Variants in SLC15A5 observed in about 807,000 individuals in gnomAD.
SLC15A5 encodes the protein solute carrier family 15 member 5, also known as Peptide/histidine transporter ENSP00000340402.
Under a neutral mutation model 56.1 loss-of-function variants are expected in SLC15A5, and 58 were observed. The observed-to-expected ratio is 1.03, with a 90% CI of 0.84 to 1.29. The LOEUF (loss-of-function observed/expected upper bound fraction) is 1.29. Among genes scored for constraint, SLC15A5 ranks in the 50% most tolerant of loss-of-function variants. SLC15A5 has a pLI of 0.00. For missense variants in SLC15A5, 681 were observed against 672.1 expected (o/e 1.01, Z -0.15); for synonymous variants, 264 against 250.5 (o/e 1.05, Z -0.51).
In SLC15A5 at chr12:16,268,329, A is replaced by G. The variant is rs1371048456; in HGVS notation, c.584+4232T>C. 1.0e-4 allele frequency among the ~76,000 whole-genome samples: 5 copies of G among 47,806 alleles called. 2 individuals are homozygous for G. The highest frequency in any genetic ancestry group is 4.3e-4 in the African/African-American group (5 of 11,552). 31.4% of individuals were successfully genotyped at this position (47,806 alleles called of 152,430 possible). A position where few individuals can be genotyped will look rare whatever the true frequency, so the allele number is the denominator to read the frequency against. On this transcript the variant is annotated intron_variant, in intron 2 of 8. Coordinates refer to ENST00000344941, the MANE Select transcript of SLC15A5 (RefSeq NM_001170798.1). ...GAGACGGAGGTTGCAGTGAGCTCAG[A>G]TCGCAAAGGTAAAGAAGGAAGTGCT...
chr12:16,191,083 A>G (rs986041916), intron 8 of SLC15A5, among the ~76,000 whole-genome samples: 3 of 152,118 alleles, frequency 2.0e-5, no homozygotes, highest in Non-Finnish European at 2.9e-5. Flanking sequence ...CCTAAACTGG[A>G]AAGCCTCGAG....
chr12:16,211,660 G>C (rs183472150), intron 7 of SLC15A5, among the ~76,000 whole-genome samples: 1 of 152,286 alleles, frequency 6.6e-6, no homozygotes, highest in East Asian at 1.9e-4. Flanking sequence ...ATGGGATAGA[G>C]TCGAAATAAG....
chr12:16,255,866 C>T (rs1459207535), intron 3 of SLC15A5, among the ~76,000 whole-genome samples: 1 of 151,990 alleles, frequency 6.6e-6, no homozygotes. Flanking sequence ...TATATGCCTA[C>T]ATGCACCCAC....
At chr12:16,209,591 C>T (rs562801213) in intron 7 of SLC15A5, among the ~76,000 whole-genome samples, 11 of 152,094 alleles carry the variant, frequency 7.2e-5, no homozygotes, top group Non-Finnish European at 1.6e-4. Context: ...CTTTTAAAGT[C>T]TATTCTTCTT....
At chr12:16,218,311 C>T (rs763547982) in intron 6 of SLC15A5, among the ~76,000 whole-genome samples, 19 of 152,168 alleles carry the variant, frequency 1.2e-4, no homozygotes, top group Non-Finnish European at 2.4e-4. Context: ...ATTCCTCTTA[C>T]TCTTTTGTGC....
Position 16,257,876 on chromosome 12 carries a change from G to GTA in SLC15A5, c.585-8_585-7dup, listed in dbSNP as rs1182323300. ...GGTTCATGAGCCAATAAAACCTGGG[G>GTA]TATACAGACAGACAAAAATAAAAAT... On this transcript the variant is annotated splice_polypyrimidine_tract_variant and splice_region_variant and intron_variant, in intron 2 of 8. Coordinates refer to ENST00000344941, the MANE Select transcript of SLC15A5 (RefSeq NM_001170798.1). 2.1e-6 allele frequency: 3 copies of GTA among 1,422,786 alleles called. No individual in the cohort carries two copies. The highest frequency in any genetic ancestry group is 1.5e-5 in the African/African-American group (1 of 67,850). The allele number at this position is 1,422,786 out of a possible 1,614,324, so 88.1% of individuals were successfully genotyped here.
intron 3 of SLC15A5, among the ~76,000 whole-genome samples, chr12:16,255,922 A>G (rs1489651087): frequency 6.6e-6 from 1 of 152,208 alleles, no homozygotes; most frequent in African/African-American, 2.4e-5. Context: ...AGGATAATCC[A>G]TAAAACAAAG....
rs1330291276 is a variant in SLC15A5 at position 16,269,662 on chromosome 12, T to C, written c.584+2899A>G. Among the ~76,000 whole-genome samples the C allele has an allele frequency of 6.6e-6, 1 of 152,188 alleles. No homozygotes were observed. Among genetic ancestry groups the C allele is most frequent in the African/African-American group, 2.4e-5 (1 of 41,450 alleles). ...CAATTTGAGTACCAGATAGTCAACA[T>C]TTCTGGGGTGAAATAAGTCAGTCTC... On this transcript the variant is annotated intron_variant, in intron 2 of 8. Transcript: ENST00000344941. The surrounding 1 kb of genome is among the most constrained non-coding windows in gnomAD (Gnocchi z 4.7).
rs565411245 is a variant in SLC15A5, at chr12:16,271,695, G to A, written c.584+866C>T. Among the ~76,000 whole-genome samples the A allele has an allele frequency of 1.3e-5, 2 of 152,256 alleles. No individual in the cohort carries two copies. Among genetic ancestry groups the A allele is most frequent in the African/African-American group, 4.8e-5 (2 of 41,574 alleles). ...AAAATGGACAATGTAGCTCACATCT[G>A]TTTGACATCCACTGATAGATAACAA... On this transcript the variant is annotated intron_variant, in intron 2 of 8. Coordinates refer to ENST00000344941, the MANE Select transcript of SLC15A5 (RefSeq NM_001170798.1). This position sits in a 1 kb window ranked among gnomAD's most constrained non-coding sequence, Gnocchi z 8.0.
intron 2 of SLC15A5, among the ~76,000 whole-genome samples, chr12:16,259,235 CTG>C (rs1309694497): frequency 6.6e-6 from 1 of 151,430 alleles, no homozygotes; most frequent in Non-Finnish European, 1.5e-5. Context: ...TGAGGTCTCA[CTG>C]TGTTGCCCAG....
intron 5 of SLC15A5, among the ~76,000 whole-genome samples, chr12:16,230,590 G>A (rs1438262681): frequency 6.6e-6 from 1 of 152,022 alleles, no homozygotes; most frequent in African/African-American, 2.4e-5. Context: ...AGAGAATAAG[G>A]CACTTGAGTA....
chr12:16,225,745 A>C (rs2136250139), intron 5 of SLC15A5, among the ~76,000 whole-genome samples: 1 of 152,360 alleles, frequency 6.6e-6, no homozygotes, highest in Non-Finnish European at 1.5e-5. Context: ...TCAAAACCAC[A>C]ATGAGATATC....
intron 4 of SLC15A5, among the ~76,000 whole-genome samples, 187 bp from the exon 5 acceptor site, chr12:16,240,054 A>G (rs1391175234): frequency 2.0e-5 from 3 of 152,204 alleles, no homozygotes; most frequent in Non-Finnish European, 4.4e-5. Flanking sequence ...AGCTCTGTCT[A>G]GTCTATTGAC....
intron 2 of SLC15A5, among the ~76,000 whole-genome samples, chr12:16,266,676 A>C (rs1864700555): frequency 6.6e-6 from 1 of 152,120 alleles, no homozygotes. Context: ...AGAAATAAAA[A>C]CCCACAGTCT....
intron 2 of SLC15A5, among the ~76,000 whole-genome samples, chr12:16,263,965 G>A (rs956420380): frequency 6.6e-6 from 1 of 152,244 alleles, no homozygotes; most frequent in African/African-American, 2.4e-5. Context: ...CTCTGCTGGG[G>A]CAGTGTGGAA....
intron 6 of SLC15A5, among the ~76,000 whole-genome samples, chr12:16,218,327 G>A (rs1041648380): frequency 2.0e-5 from 3 of 152,058 alleles, no homozygotes; most frequent in Non-Finnish European, 2.9e-5. Flanking sequence ...TGTGCTTTGC[G>A]AATCTTTCCA....
At chr12:16,227,267 T>A (rs1441837636) in intron 5 of SLC15A5, among the ~76,000 whole-genome samples, 3 of 152,204 alleles carry the variant, frequency 2.0e-5, no homozygotes, top group Non-Finnish European at 4.4e-5. Flanking sequence ...ATTATCTGAT[T>A]TTAAGACCAA....
chr12:16,221,809 G>T (rs1428414292), intron 6 of SLC15A5, among the ~76,000 whole-genome samples: 5 of 152,140 alleles, frequency 3.3e-5, no homozygotes, highest in African/African-American at 1.2e-4. Context: ...AGGGGATAGT[G>T]AGATGTGGCC....
intron 1 of SLC15A5, 26 bp downstream of exon 1, chr12:16,277,299 C>T: frequency 6.9e-7 from 1 of 1,454,808 alleles, no homozygotes; most frequent in Non-Finnish European, 9.0e-7. Flanking sequence ...AGTCACAAAA[C>T]AATCCAGTCA....
Sources: allele counts gnomAD v4.1 joint callset (sites outside exome capture counted in the v4.1 genomes callset), GRCh38; gene constraint gnomAD v4.1.1; non-coding constraint Gnocchi (gnomAD v3.1); transcripts MANE v1.5; gene names NCBI Gene and HGNC (gene_info 2026-07-23, HGNC 2026-07-21).